Variants in SLC46A3 observed in about 807,000 individuals in gnomAD.
The protein encoded by SLC46A3 is lysosomal proton-coupled steroid conjugate and bile acid symporter SLC46A3.
SLC46A3 carries 26 observed loss-of-function variants against 38.5 expected under a neutral mutation model. That is an observed-to-expected ratio of 0.68 (90% CI 0.49 to 0.94). The LOEUF (loss-of-function observed/expected upper bound fraction) is 0.94. Among genes scored for constraint, SLC46A3 ranks in the 40% least tolerant of loss-of-function variants. The pLI is 0.00. For missense variants in SLC46A3, 510 were observed against 544.3 expected, an observed-to-expected ratio of 0.94 and a Z score of 0.63; for synonymous variants, 185 against 192.5, an observed-to-expected ratio of 0.96 and a Z score of 0.32.
At chr13:28,712,085 TC>T (rs1885360632) in intron 3 of SLC46A3, among the ~76,000 whole-genome samples, 1 of 152,178 alleles carries the variant, frequency 6.6e-6, no homozygotes, top group East Asian at 1.9e-4. Flanking sequence ...TCCCAGAGTC[TC>T]ATTTTATAGT....
At position 28,717,715 on chromosome 13, in the gene SLC46A3, G is replaced by T. The variant is rs1812119629; in HGVS notation, c.189+95C>A. 3.9e-6 allele frequency: 5 copies of T among 1,274,922 alleles called. No individual in the cohort carries two copies. The South Asian group carries it at 7.1e-5, about 18-fold the overall frequency. 79.0% of individuals were successfully genotyped at this position (1,274,922 alleles called of 1,614,324 possible). ...TTAGGACTTTGATGGCCGCCCTAGA[G>T]AGACCAATGGATGATGAGTTCACGG... On this transcript the variant is annotated intron_variant, in intron 2 of 5. Coordinates refer to ENST00000266943, the MANE Select transcript of SLC46A3 (RefSeq NM_181785.4).
chr13:28,718,029 A>C lies in SLC46A3; in HGVS notation c.-24-7T>G. The C allele has an allele frequency of 6.3e-7, 1 of 1,588,264 alleles. No individual in the cohort carries two copies. Among genetic ancestry groups the C allele is most frequent in the Non-Finnish European group, 8.6e-7 (1 of 1,167,846 alleles). ...CTGGGTAGGTAGCTGTATTCTATAA[A>C]AAGTGAAAACGGAGAAAGATCATCT... is the stretch of plus-strand genomic sequence containing the variant. On this transcript the variant is annotated splice_region_variant and splice_polypyrimidine_tract_variant and intron_variant, in intron 1 of 5. Transcript: ENST00000266943.
intron 1 of SLC46A3, among the ~76,000 whole-genome samples, 182 bp from the exon 2 acceptor site, chr13:28,718,204 A>G (rs1885588271): frequency 1.3e-5 from 2 of 152,182 alleles, no homozygotes; most frequent in Admixed American, 6.5e-5. Flanking sequence ...ACTCTGTAAC[A>G]ACCTGAGGCT....
chr13:28,714,210 A>G (rs989592909), intron 2 of SLC46A3, among the ~76,000 whole-genome samples: 1 of 148,492 alleles, frequency 6.7e-6, no homozygotes, highest in Non-Finnish European at 1.5e-5. Flanking sequence ...TTTTTTACCT[A>G]TGTCTTCACA....
chr13:28,712,820 G>A lies in SLC46A3; in HGVS notation c.920C>T (p.Ser307Phe), dbSNP rs1448703652. 6.2e-7 allele frequency: 1 copy of A among 1,613,770 alleles called. No individual in the cohort carries two copies. Among genetic ancestry groups the A allele is most frequent in the Admixed American group, 1.7e-5 (1 of 59,942 alleles). ...TATTCCTAGGAAACTAGTCAAAAAA[G>A]AGGCACTACCCAAAGCTGATCCATA... ...IGYGSALGSA[S>F]FLTSFLGIWL... is the part of the protein sequence containing the mutation. Residue 307 changes from serine (S) to phenylalanine (F), a missense_variant, in exon 3 of 6, where the codon TCT (serine) becomes TTT (phenylalanine). By Grantham distance (155) the Ser-to-Phe change is radical (BLOSUM62 -2). Coordinates refer to ENST00000266943, the MANE Select transcript of SLC46A3 (RefSeq NM_181785.4).
intron 5 of SLC46A3, among the ~76,000 whole-genome samples, chr13:28,701,793 C>T (rs564496704): frequency 2.4e-4 from 37 of 152,174 alleles, no homozygotes; most frequent in Admixed American, 2.3e-3. Flanking sequence ...CTTCTAGACC[C>T]CTAAGGTATC....
chr13:28,707,905 C>T (rs1298294044), intron 4 of SLC46A3, among the ~76,000 whole-genome samples: 1 of 152,184 alleles, frequency 6.6e-6, no homozygotes, highest in African/African-American at 2.4e-5. Flanking sequence ...GCACATTTCA[C>T]GTAAACAGAA....
chr13:28,712,617 C>T (rs767025463), intron 3 of SLC46A3, 63 bp downstream of exon 3: 2 of 1,453,222 alleles, frequency 1.4e-6, no homozygotes, highest in Admixed American at 5.1e-5. Context: ...CCCCAGTAGA[C>T]TAAATTCATT....
chr13:28,710,774 C>G lies in SLC46A3; in HGVS notation c.1130G>C (p.Arg377Pro), dbSNP rs139317940. The change falls in exon 4 of 6, where the codon CGT becomes CCT. Residue 377 changes from arginine to proline, a missense_variant. By Grantham distance (103) the Arg-to-Pro change is moderately radical. Transcript: ENST00000266943. ...VLRSMLSKVVRSTEQGTLFAC... is the reference protein window; with the variant it reads ...VLRSMLSKVVPSTEQGTLFAC... ...ATTAAACTCACCTTGTTCAGTCGAA[C>G]GAACCACTTTTGACAACATGGACCG... The G allele has an allele frequency of 1.2e-6, 2 of 1,613,370 alleles. No homozygotes were observed. The highest frequency in any genetic ancestry group is 1.3e-5 in the African/African-American group (1 of 74,896).
intron 2 of SLC46A3, among the ~76,000 whole-genome samples, chr13:28,716,305 G>C (rs944113696): frequency 6.6e-6 from 1 of 152,114 alleles, no homozygotes. Flanking sequence ...CTCCAGAGCC[G>C]AAATCTGAAG....
intron 4 of SLC46A3, among the ~76,000 whole-genome samples, chr13:28,707,964 T>G (rs766698169): frequency 1.4e-4 from 21 of 152,222 alleles, no homozygotes; most frequent in Non-Finnish European, 2.8e-4. Context: ...CTTCTTAAAT[T>G]TGGCATAATC....
rs773183952 is a variant in SLC46A3, at chr13:28,718,807, C to G, written c.-336G>C. 3.3e-5 allele frequency: 5 copies of G among 152,408 alleles called. No individual in the cohort carries two copies. Among genetic ancestry groups the G allele is most frequent in the Non-Finnish European group, 7.3e-5 (5 of 68,168 alleles). The allele number at this position is 152,408 out of a possible 1,614,324, so 9.4% of individuals were successfully genotyped here. The stretch of plus-strand genomic sequence containing the variant: ...GGTTCTCCGGCAGCCCTCGGCTTCC[C>G]CGCGGCCCTGCGGACCTCGGCCTCA... On this transcript the variant is annotated 5_prime_UTR_variant, in exon 1 of 6. Coordinates refer to ENST00000266943, the MANE Select transcript of SLC46A3 (RefSeq NM_181785.4).
At chr13:28,701,872 T>C (rs1197640902) in intron 5 of SLC46A3, among the ~76,000 whole-genome samples, 1 of 152,234 alleles carries the variant, frequency 6.6e-6, no homozygotes, top group East Asian at 1.9e-4. Flanking sequence ...TTACTGAAGT[T>C]CCTGTTCAAT....
chr13:28,700,435 G>A lies in SLC46A3; in HGVS notation c.*1062C>T, dbSNP rs1232760627. ...AGCGTAAGGCAGTAAGAAATGAGAT[G>A]GGAAGGAGTCAAATCATGACTGGCT... On this transcript the variant is annotated 3_prime_UTR_variant, in exon 6 of 6. Transcript: ENST00000266943. 1 of 153,674 alleles carries A rather than the reference G, an allele frequency of 6.5e-6. No homozygotes were observed. The highest frequency in any genetic ancestry group is 2.4e-5 in the African/African-American group (1 of 41,454). The allele number at this position is 153,674 out of a possible 1,614,324, so 9.5% of individuals were successfully genotyped here.
At chr13:28,707,143 A>G (rs1489528429) in intron 4 of SLC46A3, among the ~76,000 whole-genome samples, 1 of 152,102 alleles carries the variant, frequency 6.6e-6, no homozygotes, top group Non-Finnish European at 1.5e-5. Flanking sequence ...AAGACTTGGA[A>G]CCAACCCAAA....
At position 28,713,005 on chromosome 13, in the gene SLC46A3, A is replaced by C. The variant is rs757494009; in HGVS notation, c.735T>G (p.Thr245=). 5.0e-6 allele frequency: 8 copies of C among 1,613,344 alleles called. No individual in the cohort carries two copies. The South Asian group carries it at 8.8e-5, about 18-fold the overall frequency. ...SEGFKNLFYR[T]YMLFKNASGK... ...CAGAAGCATTCTTAAAAAGCATGTAAGTTCGGTAAAATAGGTTTTTGAAGC... is the reference window on the plus strand; with the variant it reads ...CAGAAGCATTCTTAAAAAGCATGTACGTTCGGTAAAATAGGTTTTTGAAGC... The change falls in exon 3 of 6, where the codon ACT becomes ACG. Residue 245 remains threonine, a synonymous_variant. Coordinates refer to ENST00000266943, the MANE Select transcript of SLC46A3 (RefSeq NM_181785.4).
chr13:28,704,009 G>A lies in SLC46A3; in HGVS notation c.1235C>T (p.Ala412Val). ...TFNGIYSATV[A>V]WYPGFTFLLS... is the part of the protein sequence containing the mutation. ...CAGGAAAGTGAAGCCAGGGTACCAAGCAACAGTGGCTGAGTAAATTCCATT... is the reference window on the plus strand; with the variant it reads ...CAGGAAAGTGAAGCCAGGGTACCAAACAACAGTGGCTGAGTAAATTCCATT... Residue 412 changes from alanine (A) to valine (V), a missense_variant, in exon 5 of 6, where the codon GCT becomes GTT. By Grantham distance (64) the Ala-to-Val change is moderately conservative. Transcript: ENST00000266943. 1.2e-6 allele frequency: 2 copies of A among 1,613,720 alleles called. No homozygotes were observed. The highest frequency in any genetic ancestry group is 1.7e-6 in the Non-Finnish European group (2 of 1,179,834).
intron 4 of SLC46A3, among the ~76,000 whole-genome samples, chr13:28,706,546 A>T (rs1258933052): frequency 2.0e-5 from 3 of 152,200 alleles, no homozygotes. Context: ...AAATATTACT[A>T]TATTTAACAG....
chr13:28,702,056 A>G (rs1319741261), intron 5 of SLC46A3, among the ~76,000 whole-genome samples: 1 of 152,212 alleles, frequency 6.6e-6, no homozygotes, highest in Non-Finnish European at 1.5e-5. Flanking sequence ...AGAATTTATA[A>G]ACATGTGAAG....
Sources: allele counts gnomAD v4.1 joint callset (sites outside exome capture counted in the v4.1 genomes callset), GRCh38; gene constraint gnomAD v4.1.1; transcripts MANE v1.5; gene names NCBI Gene and HGNC (gene_info 2026-07-23, HGNC 2026-07-21).